The following ZBTB20 variants were observed in gnomAD, a reference collection of about 807,000 sequenced individuals.
The protein encoded by ZBTB20 is zinc finger and BTB domain-containing protein 20.
ZBTB20 carries 9 observed loss-of-function variants against 56.9 expected under a neutral mutation model. The observed-to-expected ratio is 0.16, with a 90% CI of 0.10 to 0.28. The LOEUF (loss-of-function observed/expected upper bound fraction) is 0.28. Among genes scored for constraint, ZBTB20 ranks in the 10% least tolerant of loss-of-function variants. ZBTB20 has a pLI of 1.00. For missense variants in ZBTB20, 655 were observed against 1,003.0 expected, an observed-to-expected ratio of 0.65 and a Z score of 4.69; for synonymous variants, 417 against 420.7, an observed-to-expected ratio of 0.99 and a Z score of 0.11.
At chr3:115,085,499 A>G (rs1452083570) in intron 1 of ZBTB20, among the ~76,000 whole-genome samples, 4 of 151,988 alleles carry the variant, frequency 2.6e-5, no homozygotes, top group Non-Finnish European at 5.9e-5. Context: ...CATTTCATCT[A>G]AAGTTAAACC....
intron 5 of ZBTB20, among the ~76,000 whole-genome samples, chr3:114,738,192 C>A (rs1015650371): frequency 2.0e-5 from 3 of 151,584 alleles, no homozygotes; most frequent in African/African-American, 7.3e-5. Context: ...TATAAATATA[C>A]TAGATATGGT....
At chr3:114,790,343 G>C (rs1664775446) in intron 5 of ZBTB20, among the ~76,000 whole-genome samples, 1 of 152,012 alleles carries the variant, frequency 6.6e-6, no homozygotes. Flanking sequence ...CCAACTCTGT[G>C]AAATAACCAA....
Position 114,859,187 on chromosome 3 carries a change from T to C in ZBTB20, c.-417+41117A>G, listed in dbSNP as rs573333456. 5.9e-3 allele frequency among the ~76,000 whole-genome samples: 891 copies of C among 152,072 alleles called. 5 individuals carry two copies. The highest frequency in any genetic ancestry group is 0.01 in the Middle Eastern group (3 of 294). On this transcript the variant is annotated intron_variant, in intron 4 of 11. Coordinates refer to ENST00000675478, the MANE Select transcript of ZBTB20 (RefSeq NM_001348800.3). ...CTTCTGCTGCCTGCCTGCCCACCTTTCTTCCTTCCTTCCTTCGTTCCTTCC... is the reference window on the plus strand; with the variant it reads ...CTTCTGCTGCCTGCCTGCCCACCTTCCTTCCTTCCTTCCTTCGTTCCTTCC...
chr3:114,334,620 C>T lies in ZBTB20; in HGVS notation c.*4385G>A, dbSNP rs1442337100. 1.3e-5 allele frequency: 2 copies of T among 152,064 alleles called. No homozygotes were observed. The highest frequency in any genetic ancestry group is 6.5e-5 in the Admixed American group (1 of 15,280). 9.4% of individuals were successfully genotyped at this position (152,064 alleles called of 1,614,324 possible). On this transcript the variant is annotated 3_prime_UTR_variant, in exon 12 of 12. Transcript: ENST00000675478. ...GACCTTATAGAATATTTTGATGATACAAAATAAAACCCTTATGACTTTTAA... is the reference window on the plus strand; with the variant it reads ...GACCTTATAGAATATTTTGATGATATAAAATAAAACCCTTATGACTTTTAA...
intron 5 of ZBTB20, among the ~76,000 whole-genome samples, chr3:114,778,483 T>C (rs956963619): frequency 1.3e-5 from 2 of 150,012 alleles, no homozygotes; most frequent in South Asian, 4.2e-4. Flanking sequence ...GGTAGCAGCA[T>C]TATTAATAAA....
chr3:114,762,391 T>C (rs2068501539), intron 5 of ZBTB20, among the ~76,000 whole-genome samples: 1 of 152,166 alleles, frequency 6.6e-6, no homozygotes, highest in Non-Finnish European at 1.5e-5. Flanking sequence ...CTTTCTTCTC[T>C]CTTGACATTG....
At chr3:115,112,899 A>G (rs2083919950) in intron 1 of ZBTB20, among the ~76,000 whole-genome samples, 1 of 152,166 alleles carries the variant, frequency 6.6e-6, no homozygotes, top group South Asian at 2.1e-4. Context: ...GTACTTATAT[A>G]CATTCCCATC....
intron 6 of ZBTB20, among the ~76,000 whole-genome samples, chr3:114,575,062 T>C (rs2053862442): frequency 1.3e-5 from 2 of 152,148 alleles, no homozygotes; most frequent in African/African-American, 2.4e-5. Context: ...AAAAGTGGCC[T>C]ACAGAGTTTA....
At chr3:114,695,775 GT>G (rs1243848825) in intron 5 of ZBTB20, among the ~76,000 whole-genome samples, 6 of 151,832 alleles carry the variant, frequency 4.0e-5, no homozygotes, top group Non-Finnish European at 5.9e-5. Flanking sequence ...AATGTTTTAT[GT>G]TTTTTTCTTT....
chr3:114,475,991 AT>A (rs2040717979), intron 7 of ZBTB20, among the ~76,000 whole-genome samples: 1 of 152,084 alleles, frequency 6.6e-6, no homozygotes, highest in African/African-American at 2.4e-5. Flanking sequence ...AGAAATATTA[AT>A]TTTTCCCAAT....
chr3:114,710,298 A>G (rs569156179), intron 5 of ZBTB20: 2 of 152,306 alleles, frequency 1.3e-5, no homozygotes, highest in East Asian at 1.9e-4. Flanking sequence ...CATTCTTCGT[A>G]CCCTGTAGGC....
At chr3:114,487,094 T>C (rs867197428) in intron 7 of ZBTB20, among the ~76,000 whole-genome samples, 2 of 152,224 alleles carry the variant, frequency 1.3e-5, no homozygotes, top group African/African-American at 2.4e-5. Context: ...GGAAGATATA[T>C]ATATGTATAT....
intron 3 of ZBTB20, among the ~76,000 whole-genome samples, chr3:114,903,499 C>T (rs775080362): frequency 6.6e-6 from 1 of 151,946 alleles, no homozygotes; most frequent in Non-Finnish European, 1.5e-5. Context: ...CATCCAAAAG[C>T]CAGTCATGTG....
Position 114,773,920 on chromosome 3 carries a change from TC to T in ZBTB20, c.-343+27180del, listed in dbSNP as rs2069402352. ...CAAAGCTAGTTTTTAAAATTTATCT[TC>T]CAAAATGAATTTTCTTTCTTACTCA... On this transcript the variant is annotated intron_variant, in intron 5 of 11. Coordinates refer to ENST00000675478, the MANE Select transcript of ZBTB20 (RefSeq NM_001348800.3). Among the ~76,000 whole-genome samples the T allele has an allele frequency of 3.9e-5, 6 of 152,214 alleles. No homozygotes were observed. The South Asian group carries it at 6.2e-4, about 16-fold the overall frequency.
chr3:114,983,129 T>C (rs1330253669), intron 2 of ZBTB20, among the ~76,000 whole-genome samples: 1 of 152,064 alleles, frequency 6.6e-6, no homozygotes, highest in African/African-American at 2.4e-5. Context: ...GAAATTATAC[T>C]GTCTCACCCA....
At chr3:114,852,618 G>A (rs1171427469) in intron 4 of ZBTB20, among the ~76,000 whole-genome samples, 1 of 152,050 alleles carries the variant, frequency 6.6e-6, no homozygotes, top group Non-Finnish European at 1.5e-5. Context: ...TTGCTAGTAT[G>A]GAAAATAGAT....
intron 4 of ZBTB20, among the ~76,000 whole-genome samples, chr3:114,826,319 C>T (rs942933179): frequency 6.6e-6 from 1 of 151,210 alleles, no homozygotes; most frequent in Admixed American, 6.6e-5. Flanking sequence ...AGGTTTTTTC[C>T]CCCAAGAAAG....
At position 114,781,755 on chromosome 3, in the gene ZBTB20, G is replaced by A. The variant is rs2070113858; in HGVS notation, c.-343+19346C>T. On this transcript the variant is annotated intron_variant, in intron 5 of 11. Coordinates refer to ENST00000675478, the MANE Select transcript of ZBTB20 (RefSeq NM_001348800.3). The stretch of plus-strand genomic sequence containing the variant: ...ACCCAGTGGGAGATAACTGAATCAT[G>A]GGGGCGGTTTCCCCCATACTGTTCT... Among the ~76,000 whole-genome samples the A allele has an allele frequency of 2.0e-5, 3 of 152,236 alleles. No individual in the cohort carries two copies. In the South Asian group the frequency reaches 6.2e-4, roughly 32 times the overall value.
chr3:114,751,364 G>A (rs148319335), intron 5 of ZBTB20, among the ~76,000 whole-genome samples: 143 of 152,228 alleles, frequency 9.4e-4, no homozygotes, highest in African/African-American at 3.3e-3. Context: ...ACTTGTCCAT[G>A]AGCATATAAT....
Sources: allele counts gnomAD v4.1 joint callset (sites outside exome capture counted in the v4.1 genomes callset), GRCh38; gene constraint gnomAD v4.1.1; transcripts MANE v1.5; gene names NCBI Gene and HGNC (gene_info 2026-07-23, HGNC 2026-07-21).